The following PRKG1 variants were observed in gnomAD, a reference collection of about 807,000 sequenced individuals.
PRKG1 encodes the protein protein kinase cGMP-dependent 1.
Under a neutral mutation model 88.1 loss-of-function variants are expected in PRKG1, and 35 were observed. That is an observed-to-expected ratio of 0.40 (90% CI 0.30 to 0.53). PRKG1 has a LOEUF of 0.53. Among genes scored for constraint, PRKG1 ranks in the 20% least tolerant of loss-of-function variants. The pLI, the probability that PRKG1 is intolerant of heterozygous loss-of-function variation, is 0.59. For missense variants in PRKG1, 540 were observed against 839.8 expected (o/e 0.64, Z 4.41); for synonymous variants, 303 against 292.5 (o/e 1.04, Z -0.37).
rs1491310201 is a variant in PRKG1 at position 51,570,067 on chromosome 10, A to ATATATATATATATATGTG, written c.592+102232_592+102233insATATATATATATATGTGT. On this transcript the variant is annotated intron_variant, in intron 3 of 17. Coordinates refer to ENST00000373980, the MANE Select transcript of PRKG1 (RefSeq NM_006258.4). ...CAAACTAGTATATATATATATATAT[A>ATATATATATATATATGTG]TGTGTGTGTGTGTTTATATATGTAT... Among the ~76,000 whole-genome samples, 52 of 113,110 alleles carry ATATATATATATATATGTG rather than the reference A, an allele frequency of 4.6e-4. 1 individual carries two copies. Among genetic ancestry groups the ATATATATATATATATGTG allele is most frequent in the African/African-American group, 1.7e-3 (46 of 27,792 alleles). The allele number at this position is 113,110 out of a possible 152,430, so 74.2% of individuals were successfully genotyped here. A position where few individuals can be genotyped will look rare whatever the true frequency, so the allele number is the denominator to read the frequency against.
chr10:52,033,806 C>A (rs1845531238), intron 5 of PRKG1, among the ~76,000 whole-genome samples: 1 of 152,010 alleles, frequency 6.6e-6, no homozygotes, highest in African/African-American at 2.4e-5. Flanking sequence ...GTGTGAGCAA[C>A]ATGGCTGTTT....
rs562642932 is a variant in PRKG1, at chr10:51,683,486, GA to G, written c.593-121095del. Reference sequence around the variant, plus strand: ...GTCATAGTGCTGGCTTTTGAGAAAAGAAAAGCTTTATTGCAAATCCACTGGC... The same window carrying G: ...GTCATAGTGCTGGCTTTTGAGAAAAGAAAGCTTTATTGCAAATCCACTGGC... On this transcript the variant is annotated intron_variant, in intron 3 of 17. Transcript: ENST00000373980. Among the ~76,000 whole-genome samples, 20 of 152,298 alleles carry G rather than the reference GA, an allele frequency of 1.3e-4. No individual in the cohort carries two copies. In the South Asian group the frequency reaches 3.9e-3, roughly 30 times the overall value.
chr10:51,304,257 T>C (rs1166386040), intron 2 of PRKG1, among the ~76,000 whole-genome samples: 1 of 148,852 alleles, frequency 6.7e-6, no homozygotes, highest in Non-Finnish European at 1.5e-5. Flanking sequence ...TTAGAAAAGA[T>C]GCGTAGAGAT....
At chr10:51,782,803 T>A (rs945631207) in intron 3 of PRKG1, among the ~76,000 whole-genome samples, 1 of 152,182 alleles carries the variant, frequency 6.6e-6, no homozygotes, top group Non-Finnish European at 1.5e-5. Context: ...CCTTGCCTTC[T>A]GCCATGATTG....
chr10:51,712,014 C>T (rs188087959), intron 3 of PRKG1, among the ~76,000 whole-genome samples: 29 of 152,192 alleles, frequency 1.9e-4, no homozygotes, highest in African/African-American at 4.3e-4. Flanking sequence ...CAGAGGAAAG[C>T]GTATAAATTT....
At chr10:51,354,149 G>A (rs989907515) in intron 2 of PRKG1, among the ~76,000 whole-genome samples, 4 of 151,670 alleles carry the variant, frequency 2.6e-5, no homozygotes, top group East Asian at 2.0e-4. Flanking sequence ...TGGTTACAAC[G>A]CTGGGAAGGG....
At chr10:52,266,003 T>G (rs1841561040) in intron 10 of PRKG1, among the ~76,000 whole-genome samples, 1 of 152,034 alleles carries the variant, frequency 6.6e-6, no homozygotes, top group Admixed American at 6.6e-5. Context: ...TTTTTAGGAA[T>G]TTTGAGAGTA....
At chr10:51,698,865 G>A (rs1841382900) in intron 3 of PRKG1, 1 of 1,614,176 alleles carries the variant, frequency 6.2e-7, no homozygotes, top group South Asian at 1.1e-5. Context: ...TGCTGGTTCA[G>A]CAGAACATTA....
At chr10:51,147,394 T>A (rs536328838) in intron 1 of PRKG1, among the ~76,000 whole-genome samples, 2 of 151,898 alleles carry the variant, frequency 1.3e-5, no homozygotes, top group South Asian at 4.2e-4. Context: ...TCACTCTGTA[T>A]CCCATAAATA....
intron 2 of PRKG1, among the ~76,000 whole-genome samples, chr10:51,448,280 A>G (rs1588968122): frequency 6.6e-6 from 1 of 151,868 alleles, no homozygotes; most frequent in East Asian, 1.9e-4. Flanking sequence ...GAAAATAAAC[A>G]AAAAAACTTT....
intron 2 of PRKG1, among the ~76,000 whole-genome samples, chr10:51,447,062 T>C (rs1348078100): frequency 6.6e-6 from 1 of 152,042 alleles, no homozygotes; most frequent in Admixed American, 6.6e-5. Flanking sequence ...ATGTAGCACA[T>C]ATACTGTGTG....
At chr10:51,092,082 G>A (rs1589146293) in intron 1 of PRKG1, among the ~76,000 whole-genome samples, 1 of 152,108 alleles carries the variant, frequency 6.6e-6, no homozygotes, top group East Asian at 1.9e-4. Flanking sequence ...GCCATGAAGT[G>A]TTAAAAGAAC....
chr10:51,831,186 T>C (rs1383272118), intron 4 of PRKG1, among the ~76,000 whole-genome samples: 2 of 152,156 alleles, frequency 1.3e-5, no homozygotes, highest in African/African-American at 2.4e-5. Context: ...ATATATTTAT[T>C]CTACTGAAAT....
chr10:51,162,018 T>A (rs1305506845), intron 2 of PRKG1, among the ~76,000 whole-genome samples: 1 of 152,218 alleles, frequency 6.6e-6, no homozygotes, highest in Admixed American at 6.5e-5. Flanking sequence ...GTGTTCATTT[T>A]AAAAAACACA....
chr10:51,054,135 C>T (rs1412420563), intron 1 of PRKG1, among the ~76,000 whole-genome samples: 3 of 151,998 alleles, frequency 2.0e-5, no homozygotes, highest in Non-Finnish European at 2.9e-5. Flanking sequence ...GAAACTTTCT[C>T]ATCTTAAACT....
At chr10:51,910,713 T>G (rs1342879155) in intron 5 of PRKG1, 1 of 152,132 alleles carries the variant, frequency 6.6e-6, no homozygotes, top group Non-Finnish European at 1.5e-5. Flanking sequence ...TAACCAGGAT[T>G]GTTATTTTGC....
chr10:51,899,522 C>A (rs1234176360), intron 4 of PRKG1, among the ~76,000 whole-genome samples: 1 of 151,172 alleles, frequency 6.6e-6, no homozygotes, highest in Non-Finnish European at 1.5e-5. Context: ...AAAAAATTGG[C>A]CAGCTCATGC....
At chr10:52,291,727 CTTTATAGCAGCATGA>C (rs529272093) in intron 17 of PRKG1, among the ~76,000 whole-genome samples, 20,172 of 151,528 alleles carry the variant, frequency 0.13, 2,436 homozygotes, top group African/African-American at 0.32. Flanking sequence ...GTGCATGTGT[CTTTATAGCAGCATGA>C]TTTATAGTCA....
rs976160784 is a variant in PRKG1 at position 51,251,982 on chromosome 10, A to G, written c.478+98652A>G. ...AAGCAATAAGTAGCATATTACTTGCATATTTATGTTGCAGATAATATGCAG... is the reference window on the plus strand; with the variant it reads ...AAGCAATAAGTAGCATATTACTTGCGTATTTATGTTGCAGATAATATGCAG... On this transcript the variant is annotated intron_variant, in intron 2 of 17. Coordinates refer to ENST00000373980, the MANE Select transcript of PRKG1 (RefSeq NM_006258.4). Among the ~76,000 whole-genome samples, 6 of 151,932 alleles carry G rather than the reference A, an allele frequency of 3.9e-5. No homozygotes were observed. In the East Asian group the frequency reaches 1.2e-3, roughly 29 times the overall value.
Sources: allele counts gnomAD v4.1 joint callset (sites outside exome capture counted in the v4.1 genomes callset), GRCh38; gene constraint gnomAD v4.1.1; transcripts MANE v1.5; gene names NCBI Gene and HGNC (gene_info 2026-07-23, HGNC 2026-07-21).